Variants in ANK3 observed in about 807,000 individuals in gnomAD.
ANK3 encodes ankyrin-3.
Under a neutral mutation model 370.9 loss-of-function variants are expected in ANK3, and 57 were observed. The ratio of observed to expected loss-of-function variants is 0.15; its 90% CI spans 0.12 to 0.19. The LOEUF is 0.19. Ranked by LOEUF, ANK3 falls within the 10% of genes least tolerant of loss-of-function variation. ANK3 has a pLI of 1.00. For missense variants in ANK3, 4,439 were observed against 5,302.1 expected (o/e 0.84, Z 5.06); for synonymous variants, 1,929 against 1,946.3 (o/e 0.99, Z 0.23).
chr10:60,138,906 T>G, intron 24 of ANK3, 58 bp downstream of exon 24: 2 of 1,596,442 alleles, frequency 1.3e-6, no homozygotes, highest in Non-Finnish European at 1.7e-6. Flanking sequence ...ATGATTTTGA[T>G]TTATGACAAA....
chr10:60,100,066 C>T (rs187676782), intron 28 of ANK3, among the ~76,000 whole-genome samples: 33 of 152,086 alleles, frequency 2.2e-4, no homozygotes, highest in African/African-American at 7.7e-4. Flanking sequence ...CTTATTAATG[C>T]TTATTTGCTT....
chr10:60,296,170 T>C (rs1194948937), intron 1 of ANK3, among the ~76,000 whole-genome samples: 4 of 152,238 alleles, frequency 2.6e-5, no homozygotes, highest in Admixed American at 2.6e-4. Flanking sequence ...CTACCTTGCT[T>C]TAGTTCTCCT....
chr10:60,138,773 T>C (rs928561407), intron 24 of ANK3, 191 bp downstream of exon 24: 4 of 697,390 alleles, frequency 5.7e-6, no homozygotes, highest in Non-Finnish European at 7.0e-6. Context: ...TTCAATCACA[T>C]GAAATTAACA....
At chr10:60,203,241 T>A (rs1298283978) in intron 11 of ANK3, 141 bp from the exon 12 acceptor site, 1 of 531,100 alleles carries the variant, frequency 1.9e-6, no homozygotes, top group African/African-American at 1.9e-5. Context: ...TTCACCATTA[T>A]GTTACAGATT....
intron 38 of ANK3, among the ~76,000 whole-genome samples, chr10:60,066,759 ATATT>A (rs1158013832): frequency 6.6e-6 from 1 of 152,188 alleles, no homozygotes; most frequent in Non-Finnish European, 1.5e-5. Context: ...ATGATAATGA[ATATT>A]TATTATTTGG....
intron 8 of ANK3, among the ~76,000 whole-genome samples, chr10:60,230,832 T>C (rs1478744642): frequency 6.7e-6 from 1 of 149,242 alleles, no homozygotes; most frequent in Non-Finnish European, 1.5e-5. Context: ...GAGCTTGCAG[T>C]GAGCCGAGAT....
rs765475373 is a variant in ANK3 at position 60,068,678 on chromosome 10, C to G, written c.12203G>C (p.Ser4068Thr). ...KTEAAPLKSK[S>T]EKAGSEKRSS... ...CCTTTTCTCACTGCCGGCCTTTTCA[C>G]TCTTTGATTTTAAAGGTGCTGCCTC... The change falls in exon 37 of 44, where the codon AGT becomes ACT. Residue 4068 changes from serine to threonine, a missense_variant. By Grantham distance (58) the Ser-to-Thr change is moderately conservative. Coordinates refer to ENST00000280772, the MANE Select transcript of ANK3 (RefSeq NM_020987.5). 1 of 1,613,172 alleles carries G rather than the reference C, an allele frequency of 6.2e-7. No homozygotes were observed. The highest frequency in any genetic ancestry group is 2.2e-5 in the East Asian group (1 of 44,864).
intron 2 of ANK3, among the ~76,000 whole-genome samples, chr10:60,445,385 G>A (rs2133021988): frequency 6.6e-6 from 1 of 152,040 alleles, no homozygotes; most frequent in East Asian, 1.9e-4. Flanking sequence ...GCAAGACCCT[G>A]TGCCAAAAAA....
At chr10:60,549,068 T>C (rs1372623535) in intron 2 of ANK3, among the ~76,000 whole-genome samples, 1 of 151,790 alleles carries the variant, frequency 6.6e-6, no homozygotes, top group African/African-American at 2.4e-5. Context: ...TCCTTCTGAA[T>C]GACAGAATTA....
At chr10:60,707,622 T>C (rs963342736) in intron 1 of ANK3, among the ~76,000 whole-genome samples, 1 of 150,784 alleles carries the variant, frequency 6.6e-6, no homozygotes, top group Admixed American at 6.6e-5. Flanking sequence ...TTTAAATATA[T>C]AAATTTAAAT....
At chr10:60,468,278 C>G (rs1280587371) in intron 2 of ANK3, among the ~76,000 whole-genome samples, 1 of 152,042 alleles carries the variant, frequency 6.6e-6, no homozygotes, top group Non-Finnish European at 1.5e-5. Context: ...GCCACCGTGC[C>G]CGGCCTAAAA....
intron 2 of ANK3, among the ~76,000 whole-genome samples, chr10:60,561,146 T>G (rs2077325538): frequency 1.3e-5 from 2 of 152,178 alleles, no homozygotes; most frequent in South Asian, 4.1e-4. Flanking sequence ...GGAATTAGCG[T>G]GGTTTGCTAT....
At chr10:60,371,038 G>T (rs913534733) in intron 1 of ANK3, among the ~76,000 whole-genome samples, 3 of 151,944 alleles carry the variant, frequency 2.0e-5, no homozygotes, top group Admixed American at 6.6e-5. Context: ...AGGTTCTTTC[G>T]GGATCCTTCC....
intron 2 of ANK3, among the ~76,000 whole-genome samples, chr10:60,488,274 T>C (rs1336924463): frequency 2.6e-5 from 4 of 152,158 alleles, no homozygotes; most frequent in African/African-American, 7.2e-5. Context: ...TTTGTTTTGC[T>C]TCAAAGTCTA....
At chr10:60,174,156 T>C in intron 18 of ANK3, among the ~76,000 whole-genome samples, 1 of 152,126 alleles carries the variant, frequency 6.6e-6, no homozygotes, top group African/African-American at 2.4e-5. Context: ...AGCAAATGAA[T>C]ACATTTGAAT....
chr10:60,545,559 G>A (rs992202340), intron 2 of ANK3, among the ~76,000 whole-genome samples: 1 of 151,864 alleles, frequency 6.6e-6, no homozygotes, highest in African/African-American at 2.4e-5. Context: ...CTTCAAGCCT[G>A]CAAGTATGAT....
At chr10:60,373,736 T>G (rs1448082480) in intron 1 of ANK3, among the ~76,000 whole-genome samples, 1 of 152,140 alleles carries the variant, frequency 6.6e-6, no homozygotes, top group Non-Finnish European at 1.5e-5. Context: ...TGCTTTACAA[T>G]TTGCCCCACC....
rs1315785830 is a variant in ANK3 at position 60,026,329 on chromosome 10, T to C, written c.*3517A>G. 1 of 152,254 alleles carries C rather than the reference T, an allele frequency of 6.6e-6. No homozygotes were observed. Among genetic ancestry groups the C allele is most frequent in the Non-Finnish European group, 1.5e-5 (1 of 68,050 alleles). The allele number at this position is 152,254 out of a possible 1,614,324, so 9.4% of individuals were successfully genotyped here. A position where few individuals can be genotyped will look rare whatever the true frequency, so the allele number is the denominator to read the frequency against. ...TCTCAATCTTGTAAATGTTTACTTC[T>C]GGACAATTTGATCAATTCATGAAAC... On this transcript the variant is annotated 3_prime_UTR_variant, in exon 44 of 44. Transcript: ENST00000280772.
At chr10:60,509,083 C>T (rs1289681803) in intron 2 of ANK3, among the ~76,000 whole-genome samples, 2 of 152,082 alleles carry the variant, frequency 1.3e-5, no homozygotes, top group African/African-American at 4.8e-5. Context: ...GCTAAAAAAG[C>T]CGTAAATAGA....
Sources: gnomAD v4.1 joint callset for allele counts (sites outside exome capture counted in the v4.1 genomes callset) on GRCh38, gnomAD v4.1.1 for gene constraint, MANE v1.5 for transcripts, NCBI Gene and HGNC (gene_info 2026-07-23, HGNC 2026-07-21) for gene names.